Variants in ST3GAL6 observed in about 807,000 individuals in gnomAD.
ST3GAL6 encodes the protein type 2 lactosamine alpha-2,3-sialyltransferase.
A neutral mutation model predicts 40.5 loss-of-function variants in ST3GAL6; 31 were observed. That is an observed-to-expected ratio of 0.77 (90% CI 0.58 to 1.03). The LOEUF (loss-of-function observed/expected upper bound fraction) is 1.03, where lower values mean the gene tolerates loss of function less well. Ranked by LOEUF, ST3GAL6 falls within the 50% of genes least tolerant of loss-of-function variation. The probability of loss-of-function intolerance (pLI) is 0.00; values close to 1 mark genes in which losing one functional copy is unlikely to be tolerated. For synonymous variants in ST3GAL6, 129 were observed against 136.9 expected (o/e 0.94, Z 0.40); for missense variants, 357 against 393.2 (o/e 0.91, Z 0.78).
intron 1 of ST3GAL6, among the ~76,000 whole-genome samples, chr3:98,767,832 T>A (rs1392994471): frequency 3.3e-5 from 5 of 152,200 alleles, no homozygotes; most frequent in African/African-American, 4.8e-5. Context: ...AGCAAGTAGC[T>A]GAATATACCT....
chr3:98,760,599 C>T (rs72932657), upstream of ST3GAL6, among the ~76,000 whole-genome samples: 134 of 152,134 alleles, frequency 8.8e-4, no homozygotes, highest in African/African-American at 3.2e-3. Flanking sequence ...ATAATTTGAA[C>T]TGGTATAGGT....
Position 98,791,043 on chromosome 3 carries a change from C to G in ST3GAL6, c.757-798C>G, listed in dbSNP as rs114497987. ...AAGTCATATGTAATTTCAATGGGAA[C>G]TATAAGAAACACTTTATTGAAAGTG... is the stretch of plus-strand genomic sequence containing the variant. On this transcript the variant is annotated intron_variant, in intron 8 of 9. Coordinates refer to ENST00000483910, the MANE Select transcript of ST3GAL6 (RefSeq NM_001323368.2). Among the ~76,000 whole-genome samples, 1,252 of 152,086 alleles carry G rather than the reference C, an allele frequency of 8.2e-3. 13 individuals carry two copies. The highest frequency in any genetic ancestry group is 0.028 in the African/African-American group (1,177 of 41,480).
At chr3:98,784,563 C>A in intron 5 of ST3GAL6, 1 of 191,116 alleles carries the variant, frequency 5.2e-6, no homozygotes, top group Non-Finnish European at 1.1e-5. Flanking sequence ...GTTTCACAGT[C>A]TCAAGTTCTG....
At chr3:98,775,312 C>T (rs1939428471) in intron 5 of ST3GAL6, among the ~76,000 whole-genome samples, 1 of 152,042 alleles carries the variant, frequency 6.6e-6, no homozygotes, top group African/African-American at 2.4e-5. Flanking sequence ...CCAGTCTCTA[C>T]TAAAAATACA....
At chr3:98,742,043 G>T (rs1018928575) in intron 1 of ST3GAL6, among the ~76,000 whole-genome samples, 2 of 152,132 alleles carry the variant, frequency 1.3e-5, no homozygotes, top group Non-Finnish European at 2.9e-5. Flanking sequence ...ATTTTACACA[G>T]TAGAAAGCCA....
At chr3:98,747,124 A>G (rs1348453420) in intron 1 of ST3GAL6, among the ~76,000 whole-genome samples, 1 of 152,206 alleles carries the variant, frequency 6.6e-6, no homozygotes, top group African/African-American at 2.4e-5. Context: ...TCTGGCCAGA[A>G]CACAGAACAA....
intron 1 of ST3GAL6, chr3:98,733,039 C>T: frequency 2.1e-6 from 3 of 1,421,676 alleles, no homozygotes; most frequent in Non-Finnish European, 2.7e-6. Flanking sequence ...TGCGGGAAGA[C>T]CGGTCTGGGC....
intron 1 of ST3GAL6, among the ~76,000 whole-genome samples, chr3:98,754,062 T>G (rs953948284): frequency 6.6e-6 from 1 of 152,016 alleles, no homozygotes; most frequent in East Asian, 1.9e-4. Flanking sequence ...TCAAGTCTTA[T>G]TATTTAAGAA....
At chr3:98,764,891 C>T (rs1431057870) in intron 1 of ST3GAL6, among the ~76,000 whole-genome samples, 1 of 151,602 alleles carries the variant, frequency 6.6e-6, no homozygotes, top group Non-Finnish European at 1.5e-5. Context: ...ACGTGCTAGG[C>T]ATTTAGGGTA....
chr3:98,793,880 T>C lies in ST3GAL6; in HGVS notation c.*119T>C. ...ATTATGTATACTGTCTGTTGCTGCC[T>C]GGTGATTCATAACCACCAGCTTAAT... On this transcript the variant is annotated 3_prime_UTR_variant, in exon 10 of 10. Transcript: ENST00000483910. The C allele has an allele frequency of 2.0e-6, 1 of 493,608 alleles. No homozygotes were observed. The highest frequency in any genetic ancestry group is 3.5e-6 in the Non-Finnish European group (1 of 289,726). 30.6% of individuals were successfully genotyped at this position (493,608 alleles called of 1,614,324 possible). A position where few individuals can be genotyped will look rare whatever the true frequency, so the allele number is the denominator to read the frequency against.
At chr3:98,742,238 GTTAATA>G (rs1559720967) in intron 1 of ST3GAL6, among the ~76,000 whole-genome samples, 3 of 152,088 alleles carry the variant, frequency 2.0e-5, no homozygotes, top group Admixed American at 6.6e-5. Context: ...AATACCTGAT[GTTAATA>G]TTTAGCTCTA....
chr3:98,766,438 G>A (rs1037314311), intron 1 of ST3GAL6, among the ~76,000 whole-genome samples: 1 of 26,294 alleles, frequency 3.8e-5, no homozygotes, highest in East Asian at 1.4e-3. Context: ...TTTTTTTTTT[G>A]GGAAAGGGAG....
intron 2 of ST3GAL6, 24 bp from the exon 3 acceptor site, chr3:98,770,855 A>G (rs1215898654): frequency 6.2e-7 from 1 of 1,610,790 alleles, no homozygotes; most frequent in Admixed American, 1.7e-5. Flanking sequence ...CTGGTTTCTG[A>G]CTGACATTAT....
chr3:98,756,481 C>T (rs60497470), intron 1 of ST3GAL6: 30 of 1,288,806 alleles, frequency 2.3e-5, no homozygotes, highest in Middle Eastern at 2.1e-4. Context: ...GTCCCTCTTT[C>T]GCAAATTCTC....
intron 1 of ST3GAL6, among the ~76,000 whole-genome samples, chr3:98,757,212 T>G (rs1305503794): frequency 6.6e-6 from 1 of 152,236 alleles, no homozygotes; most frequent in Non-Finnish European, 1.5e-5. Flanking sequence ...GAATGATTAT[T>G]CTAGCAAATT....
chr3:98,753,496 C>A (rs893043294), intron 1 of ST3GAL6, among the ~76,000 whole-genome samples: 3 of 152,228 alleles, frequency 2.0e-5, no homozygotes, highest in Non-Finnish European at 4.4e-5. Flanking sequence ...GACAGACAGT[C>A]TTCTAGTGGA....
rs1010890072 is a variant in ST3GAL6 at position 98,733,291 on chromosome 3, C to T, written c.-12+759C>T. On this transcript the variant is annotated intron_variant, in intron 1 of 9. Coordinates refer to the ST3GAL6 transcript ENST00000265261. ...GGGATCCTGGAGCCCCAGTGAAGGGCGGGAGGGACGCGCAGCCTCGCGGGT... is the reference window on the plus strand; with the variant it reads ...GGGATCCTGGAGCCCCAGTGAAGGGTGGGAGGGACGCGCAGCCTCGCGGGT... The T allele has an allele frequency of 2.3e-5, 23 of 985,308 alleles. No individual in the cohort carries two copies. In the African/African-American group the frequency reaches 3.1e-4, roughly 13 times the overall value. The allele number at this position is 985,308 out of a possible 1,614,324, so 61.0% of individuals were successfully genotyped here.
intron 5 of ST3GAL6, among the ~76,000 whole-genome samples, chr3:98,774,273 A>C (rs561052509): frequency 6.6e-6 from 1 of 152,276 alleles, no homozygotes; most frequent in Admixed American, 6.5e-5. Flanking sequence ...CCTACTTAAG[A>C]ATTAGTTCAC....
At chr3:98,783,042 C>A in intron 5 of ST3GAL6, 1 of 285,290 alleles carries the variant, frequency 3.5e-6, no homozygotes, top group Non-Finnish European at 6.9e-6. Context: ...TCATCCCCTC[C>A]CTGAATGTTA....
Sources: gnomAD v4.1 joint callset for allele counts (sites outside exome capture counted in the v4.1 genomes callset) on GRCh38, gnomAD v4.1.1 for gene constraint, MANE v1.5 for transcripts, NCBI Gene and HGNC (gene_info 2026-07-23, HGNC 2026-07-21) for gene names.